The following TRAF3IP1 variants were observed in gnomAD, a reference collection of about 807,000 sequenced individuals.
TRAF3IP1 encodes the protein intraflagellar transport 54, also known as TRAF3-interacting protein 1.
TRAF3IP1 carries 53 observed loss-of-function variants against 89.9 expected under a neutral mutation model. The observed-to-expected ratio is 0.59, with a 90% CI of 0.47 to 0.74. The LOEUF (loss-of-function observed/expected upper bound fraction) is 0.74, where lower values mean the gene tolerates loss of function less well. Ranked by LOEUF, TRAF3IP1 falls within the 30% of genes least tolerant of loss-of-function variation. The probability of loss-of-function intolerance (pLI) is 0.00; values close to 1 mark genes in which losing one functional copy is unlikely to be tolerated. For missense variants in TRAF3IP1, 806 were observed against 866.1 expected (o/e 0.93, Z 0.87); for synonymous variants, 311 against 322.1 (o/e 0.97, Z 0.37).
Position 238,352,478 on chromosome 2 carries a change from G to A in TRAF3IP1, c.1452-349G>A, listed in dbSNP as rs751404775. Among the ~76,000 whole-genome samples the A allele has an allele frequency of 5.9e-5, 9 of 152,270 alleles. No homozygotes were observed. The East Asian group carries it at 1.2e-3, about 20-fold the overall frequency. The stretch of plus-strand genomic sequence containing the variant: ...GTGAAGGGCTGGTGTCACTGAGAGC[G>A]CAGTCAGGGGAGAGGCGGAGGCCCT... On this transcript the variant is annotated intron_variant, in intron 12 of 16. Coordinates refer to ENST00000373327, the MANE Select transcript of TRAF3IP1 (RefSeq NM_015650.4).
At chr2:238,358,233 T>G (rs935082267) in intron 15 of TRAF3IP1, among the ~76,000 whole-genome samples, 1 of 152,094 alleles carries the variant, frequency 6.6e-6, no homozygotes, top group Middle Eastern at 3.2e-3. Flanking sequence ...GCTACATTTT[T>G]TTTTTAAATA....
chr2:238,380,303 G>A (rs1244090724), intron 15 of TRAF3IP1, among the ~76,000 whole-genome samples: 1 of 152,118 alleles, frequency 6.6e-6, no homozygotes, highest in African/African-American at 2.4e-5. Context: ...GGAGCCACGT[G>A]GAGAAGCTGC....
At chr2:238,350,967 G>A (rs1018365152) in intron 12 of TRAF3IP1, among the ~76,000 whole-genome samples, 1 of 152,120 alleles carries the variant, frequency 6.6e-6, no homozygotes, top group African/African-American at 2.4e-5. Context: ...TGAGGGAGGA[G>A]CCCTCGGGGT....
chr2:238,370,576 A>G (rs1481456398), intron 15 of TRAF3IP1, among the ~76,000 whole-genome samples: 2 of 151,732 alleles, frequency 1.3e-5, no homozygotes, highest in Non-Finnish European at 2.9e-5. Context: ...GGGCTCTCCC[A>G]CCCCCAGCCT....
intron 14 of TRAF3IP1, among the ~76,000 whole-genome samples, chr2:238,353,838 A>G (rs1574931024): frequency 2.0e-5 from 3 of 152,208 alleles, no homozygotes; most frequent in Admixed American, 2.0e-4. Context: ...CAGTGGTGCT[A>G]TCTCAACTTA....
chr2:238,326,308 C>T (rs1363723684), intron 3 of TRAF3IP1, among the ~76,000 whole-genome samples: 2 of 152,314 alleles, frequency 1.3e-5, no homozygotes, highest in African/African-American at 2.4e-5. Context: ...TTCTGAGGCT[C>T]CCTTGAGGAC....
At chr2:238,367,363 GAAGAT>G (rs1699928405) in intron 15 of TRAF3IP1, among the ~76,000 whole-genome samples, 2 of 152,092 alleles carry the variant, frequency 1.3e-5, no homozygotes, top group Non-Finnish European at 2.9e-5. Context: ...ACAGAAGACT[GAAGAT>G]GTGGATCTCA....
chr2:238,372,775 A>T (rs1252735378), intron 15 of TRAF3IP1, among the ~76,000 whole-genome samples: 1 of 152,182 alleles, frequency 6.6e-6, no homozygotes, highest in Non-Finnish European at 1.5e-5. Flanking sequence ...CTATTTCTCC[A>T]CATCCTCTCC....
At chr2:238,325,049 G>A (rs1697753688) in intron 1 of TRAF3IP1, among the ~76,000 whole-genome samples, 3 of 152,212 alleles carry the variant, frequency 2.0e-5, no homozygotes, top group African/African-American at 4.8e-5. Flanking sequence ...TAGGTACCAA[G>A]CCTGAGTGCT....
At chr2:238,331,298 C>G (rs1054024933) in intron 5 of TRAF3IP1, among the ~76,000 whole-genome samples, 2 of 105,778 alleles carry the variant, frequency 1.9e-5, no homozygotes, top group African/African-American at 7.5e-5. Context: ...CCCATCTCTA[C>G]TAAAAAAAAA....
intron 5 of TRAF3IP1, among the ~76,000 whole-genome samples, chr2:238,331,699 T>C (rs1282547561): frequency 6.6e-6 from 1 of 152,186 alleles, no homozygotes; most frequent in Non-Finnish European, 1.5e-5. Flanking sequence ...GGCTTCTTCA[T>C]TGAGCCGCGT....
chr2:238,338,059 C>A (rs908708027), intron 7 of TRAF3IP1, among the ~76,000 whole-genome samples: 27 of 152,036 alleles, frequency 1.8e-4, no homozygotes, highest in Non-Finnish European at 3.4e-4. Context: ...TGTGGTCCCC[C>A]AGGTCAGAAG....
chr2:238,392,633 C>T (rs1408647119), intron 15 of TRAF3IP1, among the ~76,000 whole-genome samples: 2 of 151,848 alleles, frequency 1.3e-5, no homozygotes, highest in East Asian at 1.9e-4. Context: ...AGTGCAATGG[C>T]GTGATCTCGG....
At chr2:238,353,018 C>T in intron 13 of TRAF3IP1, 68 bp downstream of exon 13, 2 of 1,543,510 alleles carry the variant, frequency 1.3e-6, no homozygotes, top group South Asian at 2.4e-5. Flanking sequence ...AATAGTCTAG[C>T]TTTTAGATTT....
intron 3 of TRAF3IP1, 59 bp downstream of exon 3, chr2:238,326,029 G>A (rs1427426425): frequency 1.3e-6 from 2 of 1,552,146 alleles, no homozygotes; most frequent in East Asian, 4.5e-5. Flanking sequence ...AAGTAGTCGG[G>A]GGTGAGGGAC....
At chr2:238,370,361 C>G (rs1411942827) in intron 15 of TRAF3IP1, among the ~76,000 whole-genome samples, 1 of 151,906 alleles carries the variant, frequency 6.6e-6, no homozygotes, top group Non-Finnish European at 1.5e-5. Context: ...TGAGTGTATA[C>G]ATGTATACGT....
rs764274970 is a variant in TRAF3IP1, at chr2:238,325,768, A to G, written c.193-41A>G. ...ATACAGAAGATAATGCACACTCTTC[A>G]AAGTATTGTAATATTTGTATTTTCA... is the stretch of plus-strand genomic sequence containing the variant. On this transcript the variant is annotated intron_variant, in intron 2 of 16. Transcript: ENST00000373327. The G allele has an allele frequency of 2.5e-5, 40 of 1,577,968 alleles. No individual in the cohort carries two copies. The South Asian group carries it at 4.1e-4, about 16-fold the overall frequency.
At chr2:238,360,177 G>T (rs568992991) in intron 15 of TRAF3IP1, among the ~76,000 whole-genome samples, 1 of 152,300 alleles carries the variant, frequency 6.6e-6, no homozygotes, top group East Asian at 1.9e-4. Flanking sequence ...ACTTATGAAT[G>T]AATTGTTTAT....
chr2:238,370,516 G>A (rs1302796242), intron 15 of TRAF3IP1, among the ~76,000 whole-genome samples: 1 of 152,068 alleles, frequency 6.6e-6, no homozygotes, highest in Non-Finnish European at 1.5e-5. Context: ...TGGCCGTGTG[G>A]GTGCCCTCTC....
Sources: allele counts gnomAD v4.1 joint callset (sites outside exome capture counted in the v4.1 genomes callset), GRCh38; gene constraint gnomAD v4.1.1; transcripts MANE v1.5; gene names NCBI Gene and HGNC (gene_info 2026-07-23, HGNC 2026-07-21).